Variants in MTA3 observed in about 807,000 individuals in gnomAD.
MTA3 encodes metastasis associated 1 family member 3.
A neutral mutation model predicts 83.5 loss-of-function variants in MTA3; 34 were observed. The ratio of observed to expected loss-of-function variants is 0.41; its 90% CI spans 0.31 to 0.54. The LOEUF (loss-of-function observed/expected upper bound fraction) is 0.54, where lower values mean the gene tolerates loss of function less well. Among genes scored for constraint, MTA3 ranks in the 20% least tolerant of loss-of-function variants. The pLI, the probability that MTA3 is intolerant of heterozygous loss-of-function variation, is 0.33. For synonymous variants in MTA3, 303 were observed against 252.7 expected, an observed-to-expected ratio of 1.20 and a Z score of -1.89; for missense variants, 761 against 726.4, an observed-to-expected ratio of 1.05 and a Z score of -0.55.
At chr2:42,673,342 C>G (rs561417284) in intron 8 of MTA3, among the ~76,000 whole-genome samples, 1 of 152,068 alleles carries the variant, frequency 6.6e-6, no homozygotes, top group African/African-American at 2.4e-5. Context: ...CAAATCAGTA[C>G]AGATGGCCCT....
chr2:42,635,417 T>C (rs977493772), intron 4 of MTA3, among the ~76,000 whole-genome samples: 2 of 151,908 alleles, frequency 1.3e-5, no homozygotes, highest in African/African-American at 4.8e-5. Flanking sequence ...CACCTGAAAT[T>C]AGGAGTTCGA....
At chr2:42,732,206 A>G (rs1463014142) in intron 16 of MTA3, among the ~76,000 whole-genome samples, 2 of 152,222 alleles carry the variant, frequency 1.3e-5, no homozygotes, top group Non-Finnish European at 2.9e-5. Flanking sequence ...GAGGTTCTCC[A>G]TGAGGGCCCT....
At chr2:42,641,011 A>G (rs924437942) in intron 5 of MTA3, among the ~76,000 whole-genome samples, 15 of 152,038 alleles carry the variant, frequency 9.9e-5, no homozygotes, top group Non-Finnish European at 7.4e-5. Context: ...GGTTCAAGCA[A>G]TTCTCATGCT....
rs1164813086 is a variant in MTA3 at position 42,599,436 on chromosome 2, AAAT to A, written c.191-10020_191-10018del. 2.0e-5 allele frequency among the ~76,000 whole-genome samples: 3 copies of A among 151,806 alleles called. No individual in the cohort carries two copies. In the East Asian group the frequency reaches 5.8e-4, roughly 29 times the overall value. ...AGTGAAACCCCGTCTCTACTAAAAA[AAAT>A]ACAAAAATTAGCCGGGTGTGGTGGC... On this transcript the variant is annotated intron_variant, in intron 3 of 16. Transcript: ENST00000405094.
intron 4 of MTA3, among the ~76,000 whole-genome samples, chr2:42,620,878 T>G (rs1184758524): frequency 6.6e-6 from 1 of 152,210 alleles, no homozygotes; most frequent in Non-Finnish European, 1.5e-5. Flanking sequence ...TACTTCAAGA[T>G]AATCACTGAA....
At chr2:42,565,427 C>T (rs1240187186), upstream of MTA3, among the ~76,000 whole-genome samples, 1 of 151,654 alleles carries the variant, frequency 6.6e-6, no homozygotes, top group African/African-American at 2.4e-5. Context: ...CTTGGCCTCC[C>T]AAAATGCTGG....
chr2:42,668,975 G>C (rs1690538841), intron 8 of MTA3, among the ~76,000 whole-genome samples: 1 of 151,994 alleles, frequency 6.6e-6, no homozygotes, highest in Non-Finnish European at 1.5e-5. Flanking sequence ...AAAAATGCTA[G>C]CCATCAATCA....
chr2:42,581,856 TC>T, intron 3 of MTA3: 1 of 207,586 alleles, frequency 4.8e-6, no homozygotes, highest in South Asian at 5.8e-5. Flanking sequence ...AACCTCCACC[TC>T]CCAAATCAAG....
At chr2:42,508,163 A>G (rs1454160708) in intron 2 of MTA3, among the ~76,000 whole-genome samples, 1 of 152,034 alleles carries the variant, frequency 6.6e-6, no homozygotes, top group Non-Finnish European at 1.5e-5. Flanking sequence ...CTTGTCAGTC[A>G]AGTCTCAGTT....
chr2:42,556,506 C>A (rs963483453), intron 2 of MTA3, among the ~76,000 whole-genome samples: 1 of 152,208 alleles, frequency 6.6e-6, no homozygotes, highest in African/African-American at 2.4e-5. Flanking sequence ...TGCCTGGGAG[C>A]CATGCTGACA....
intron 4 of MTA3, among the ~76,000 whole-genome samples, chr2:42,612,296 C>T (rs866649213): frequency 1.3e-5 from 2 of 152,080 alleles, no homozygotes; most frequent in South Asian, 2.1e-4. Context: ...CTCACTGCAG[C>T]CTTAAACTCC....
chr2:42,563,971 G>C (rs1480669347), upstream of MTA3, among the ~76,000 whole-genome samples: 1 of 152,094 alleles, frequency 6.6e-6, no homozygotes, highest in Non-Finnish European at 1.5e-5. Flanking sequence ...TTACAGGCGT[G>C]TGCCACCACG....
chr2:42,558,547 G>A (rs574385438), intron 2 of MTA3, among the ~76,000 whole-genome samples: 1 of 149,988 alleles, frequency 6.7e-6, no homozygotes, highest in East Asian at 2.0e-4. Context: ...ACCACACCCA[G>A]CCTTTAAAAA....
chr2:42,526,523 GT>G (rs370388556), intron 2 of MTA3, among the ~76,000 whole-genome samples: 13 of 152,292 alleles, frequency 8.5e-5, no homozygotes, highest in African/African-American at 3.1e-4. Context: ...GCACTCGGAT[GT>G]CAACATCCAC....
intron 2 of MTA3, among the ~76,000 whole-genome samples, chr2:42,572,672 G>T (rs187305796): frequency 6.6e-6 from 1 of 152,134 alleles, no homozygotes; most frequent in African/African-American, 2.4e-5. Flanking sequence ...CGAGATGGTC[G>T]TTTATTAGGA....
intron 2 of MTA3, among the ~76,000 whole-genome samples, chr2:42,558,507 C>T (rs1301239834): frequency 2.0e-5 from 3 of 151,912 alleles, no homozygotes; most frequent in Non-Finnish European, 2.9e-5. Context: ...ACCTCGGCCT[C>T]CCAAAATGCT....
intron 3 of MTA3, among the ~76,000 whole-genome samples, chr2:42,587,944 C>T (rs1157935733): frequency 1.3e-5 from 2 of 152,126 alleles, no homozygotes; most frequent in Admixed American, 6.6e-5. Flanking sequence ...TCTTATGAAT[C>T]ACTGCAACAG....
intron 2 of MTA3, among the ~76,000 whole-genome samples, chr2:42,555,944 C>A (rs959479517): frequency 2.0e-5 from 3 of 151,184 alleles, no homozygotes; most frequent in Non-Finnish European, 4.4e-5. Context: ...TGGTGGTGGG[C>A]GCCTGTAATC....
At chr2:42,502,984 A>C (rs1222109282) in intron 2 of MTA3, among the ~76,000 whole-genome samples, 1 of 151,656 alleles carries the variant, frequency 6.6e-6, no homozygotes, top group African/African-American at 2.4e-5. Context: ...AAATAAATAA[A>C]ACATTAAAAA....
Sources: allele counts gnomAD v4.1 joint callset (sites outside exome capture counted in the v4.1 genomes callset), GRCh38; gene constraint gnomAD v4.1.1; transcripts MANE v1.5; gene names NCBI Gene and HGNC (gene_info 2026-07-23, HGNC 2026-07-21).